PCLO: variants seen among roughly 807,000 people sequenced by gnomAD.
PCLO encodes the protein protein piccolo.
In PCLO, 82 loss-of-function variants were observed where a neutral mutation model predicts 427.5. That is an observed-to-expected ratio of 0.19 (90% confidence interval 0.16 to 0.23). The LOEUF is 0.23. Ranked by LOEUF, PCLO falls within the 10% of genes least tolerant of loss-of-function variation. The probability of loss-of-function intolerance (pLI) is 1.00; values close to 1 mark genes in which losing one functional copy is unlikely to be tolerated. For synonymous variants in PCLO, 2,357 were observed against 2,155.4 expected, an observed-to-expected ratio of 1.09 and a Z score of -2.59; for missense variants, 6,239 against 6,115.9, an observed-to-expected ratio of 1.02 and a Z score of -0.67.
chr7:82,832,702 T>C (rs917820880), intron 16 of PCLO, among the ~76,000 whole-genome samples: 1 of 152,064 alleles, frequency 6.6e-6, no homozygotes, highest in African/African-American at 2.4e-5. Flanking sequence ...TAATGAAATT[T>C]GAAGGCTTCT....
chr7:83,155,160 G>A lies in PCLO; in HGVS notation c.1481C>T (p.Pro494Leu), dbSNP rs762087233. The stretch of plus-strand genomic sequence containing the variant: ...TTGAGATGGGGGCTTTGCTGAGCCA[G>A]GCTGTTGAGGTGGGGGCTTTGCTGG... ...PGPAKPPPQQPGSAKPPSQQP... is the reference protein window; with the variant it reads ...PGPAKPPPQQLGSAKPPSQQP... Residue 494 changes from proline (P) to leucine (L), a missense_variant, in exon 2 of 25, where the codon CCT (proline) becomes CTT (leucine). Physicochemically the swap from Pro to Leu is moderately conservative, Grantham distance 98. Transcript: ENST00000333891. 8 of 1,571,874 alleles carry A rather than the reference G, an allele frequency of 5.1e-6. No homozygotes were observed. The highest frequency in any genetic ancestry group is 2.3e-5 in the South Asian group (2 of 88,458).
intron 3 of PCLO, among the ~76,000 whole-genome samples, chr7:82,978,328 T>A (rs1447551041): frequency 1.3e-5 from 2 of 152,108 alleles, no homozygotes; most frequent in Non-Finnish European, 2.9e-5. Flanking sequence ...GTTAAAAAAA[T>A]ATGATTATTA....
intron 20 of PCLO, among the ~76,000 whole-genome samples, chr7:82,815,489 T>C (rs562678769): frequency 1.3e-5 from 2 of 152,234 alleles, no homozygotes; most frequent in South Asian, 4.1e-4. Context: ...TATTTCTCTA[T>C]ATTCCAAGTT....
At chr7:82,821,709 C>T in intron 20 of PCLO, 1 of 983,046 alleles carries the variant, frequency 1.0e-6, no homozygotes, top group African/African-American at 1.7e-5. Flanking sequence ...TCTTGATTTC[C>T]AATGGTTAGA....
chr7:82,980,215 C>G (rs1446619775), intron 3 of PCLO, among the ~76,000 whole-genome samples: 1 of 152,066 alleles, frequency 6.6e-6, no homozygotes, highest in Non-Finnish European at 1.5e-5. Flanking sequence ...TGGAATGAGT[C>G]AGGGGAGAAG....
intron 9 of PCLO, among the ~76,000 whole-genome samples, chr7:82,890,038 A>G (rs1464610768): frequency 6.6e-6 from 1 of 151,240 alleles, no homozygotes; most frequent in Non-Finnish European, 1.5e-5. Flanking sequence ...ATTACAATAT[A>G]TTATATTATT....
At chr7:82,856,384 G>A (rs1194144596) in intron 10 of PCLO, among the ~76,000 whole-genome samples, 1 of 152,104 alleles carries the variant, frequency 6.6e-6, no homozygotes, top group African/African-American at 2.4e-5. Context: ...ATCATGATAA[G>A]ATTCGATTTC....
At chr7:83,111,113 T>A (rs868502557) in intron 3 of PCLO, among the ~76,000 whole-genome samples, 5 of 152,240 alleles carry the variant, frequency 3.3e-5, no homozygotes, top group Non-Finnish European at 7.3e-5. Flanking sequence ...CATATGTCAA[T>A]GAATTATCAC....
intron 7 of PCLO, among the ~76,000 whole-genome samples, chr7:82,909,737 G>T (rs183125600): frequency 6.6e-6 from 1 of 152,120 alleles, no homozygotes; most frequent in South Asian, 2.1e-4. Flanking sequence ...TGTGTGCCAT[G>T]ATTACGTAGT....
chr7:82,890,429 G>A (rs1251701010), intron 9 of PCLO, among the ~76,000 whole-genome samples: 1 of 151,708 alleles, frequency 6.6e-6, no homozygotes, highest in Non-Finnish European at 1.5e-5. Context: ...CTGTACCACA[G>A]ACTTTTCCCA....
At chr7:82,851,757 A>C (rs1792661404) in intron 10 of PCLO, among the ~76,000 whole-genome samples, 1 of 152,170 alleles carries the variant, frequency 6.6e-6, no homozygotes, top group Admixed American at 6.6e-5. Flanking sequence ...TCTTCTATAA[A>C]GCGCTAGCAG....
chr7:83,117,121 A>G (rs10954710), intron 3 of PCLO, among the ~76,000 whole-genome samples: 46,989 of 152,098 alleles, frequency 0.31, 8,271 homozygotes, highest in East Asian at 0.62. Flanking sequence ...CTTAGTGAAA[A>G]GGGTATTTTT....
chr7:83,010,688 A>G (rs1788056570), intron 3 of PCLO, among the ~76,000 whole-genome samples: 1 of 151,682 alleles, frequency 6.6e-6, no homozygotes, highest in South Asian at 2.1e-4. Context: ...CCTCCAGTTT[A>G]TCCCTATCTG....
At chr7:82,988,214 G>C (rs1382423876) in intron 3 of PCLO, among the ~76,000 whole-genome samples, 1 of 151,860 alleles carries the variant, frequency 6.6e-6, no homozygotes, top group East Asian at 1.9e-4. Context: ...AATTTTAGTA[G>C]AGATGAGGGC....
At chr7:82,851,645 T>C (rs1792658405) in intron 10 of PCLO, among the ~76,000 whole-genome samples, 1 of 152,124 alleles carries the variant, frequency 6.6e-6, no homozygotes, top group South Asian at 2.1e-4. Flanking sequence ...TAAAAATGTG[T>C]AGTATAAATT....
At chr7:82,945,452 C>T (rs989420629) in intron 6 of PCLO, among the ~76,000 whole-genome samples, 1 of 152,106 alleles carries the variant, frequency 6.6e-6, no homozygotes, top group Non-Finnish European at 1.5e-5. Flanking sequence ...AAATGTGAAC[C>T]TATTTGAACA....
intron 22 of PCLO, among the ~76,000 whole-genome samples, chr7:82,793,288 C>T (rs374582752): frequency 2.0e-5 from 3 of 152,224 alleles, no homozygotes; most frequent in African/African-American, 4.8e-5. Context: ...ACCTTCCCAC[C>T]TGGGGTTTTT....
intron 3 of PCLO, among the ~76,000 whole-genome samples, chr7:83,110,883 T>C (rs1790986594): frequency 6.6e-6 from 1 of 152,214 alleles, no homozygotes; most frequent in Non-Finnish European, 1.5e-5. Flanking sequence ...CTGGTTCATT[T>C]AGCAAAGCAA....
At chr7:82,965,078 C>T (rs1165901119) in intron 4 of PCLO, among the ~76,000 whole-genome samples, 1 of 151,880 alleles carries the variant, frequency 6.6e-6, no homozygotes, top group African/African-American at 2.4e-5. Flanking sequence ...TGTGAAAATA[C>T]TGGTTAAAAT....
Sources: allele counts gnomAD v4.1 joint callset (sites outside exome capture counted in the v4.1 genomes callset), GRCh38; gene constraint gnomAD v4.1.1; transcripts MANE v1.5; gene names NCBI Gene and HGNC (gene_info 2026-07-23, HGNC 2026-07-21).